CACNA1D: variants seen among roughly 807,000 people sequenced by gnomAD.
CACNA1D encodes calcium voltage-gated channel subunit alpha1 D, also known as voltage-dependent L-type calcium channel subunit alpha-1D.
Under a neutral mutation model 257.1 loss-of-function variants are expected in CACNA1D, and 55 were observed. That is an observed-to-expected ratio of 0.21 (90% CI 0.17 to 0.27). The LOEUF (loss-of-function observed/expected upper bound fraction) is 0.27. Among genes scored for constraint, CACNA1D ranks in the 10% least tolerant of loss-of-function variants. The pLI, the probability that CACNA1D is intolerant of heterozygous loss-of-function variation, is 1.00. For missense variants in CACNA1D, 1,876 were observed against 2,784.0 expected (o/e 0.67, Z 7.34); for synonymous variants, 980 against 1,014.9 (o/e 0.97, Z 0.65).
chr3:53,716,928 A>C (rs1489233699), intron 9 of CACNA1D, among the ~76,000 whole-genome samples: 3 of 152,142 alleles, frequency 2.0e-5, no homozygotes, highest in Admixed American at 2.0e-4. Context: ...GAAGTCTGCT[A>C]TGAGCAAGGC....
intron 3 of CACNA1D, among the ~76,000 whole-genome samples, chr3:53,571,092 G>A (rs1393316765): frequency 2.0e-5 from 3 of 152,176 alleles, no homozygotes; most frequent in East Asian, 3.9e-4. Context: ...TGGGTGCTTC[G>A]TGGGCTTTGG....
chr3:53,678,704 G>C (rs1472491398), intron 8 of CACNA1D, among the ~76,000 whole-genome samples: 1 of 152,130 alleles, frequency 6.6e-6, no homozygotes, highest in Admixed American at 6.5e-5. Context: ...AAGATTCATG[G>C]GATGGAGAAT....
At chr3:53,595,175 T>C (rs1173330288) in intron 3 of CACNA1D, among the ~76,000 whole-genome samples, 2 of 152,220 alleles carry the variant, frequency 1.3e-5, no homozygotes, top group Non-Finnish European at 2.9e-5. Flanking sequence ...GTAAGGAGTA[T>C]AATCTTTGTA....
At chr3:53,781,047 C>T (rs2095422928) in intron 38 of CACNA1D, among the ~76,000 whole-genome samples, 1 of 152,216 alleles carries the variant, frequency 6.6e-6, no homozygotes, top group Non-Finnish European at 1.5e-5. Context: ...CTCCAGAAGG[C>T]AGAATGGTCC....
At chr3:53,633,520 C>A (rs938662448) in intron 3 of CACNA1D, among the ~76,000 whole-genome samples, 11 of 152,048 alleles carry the variant, frequency 7.2e-5, no homozygotes, top group African/African-American at 2.7e-4. Context: ...TAGCTTAGAC[C>A]GAGTGGGGAT....
At chr3:53,799,807 C>A (rs1274802088) in intron 40 of CACNA1D, 1 of 258,608 alleles carries the variant, frequency 3.9e-6, no homozygotes, top group Non-Finnish European at 7.6e-6. Context: ...GCTTCCTCAT[C>A]CTAGATGCAG....
intron 9 of CACNA1D, among the ~76,000 whole-genome samples, chr3:53,713,230 A>C (rs1038429655): frequency 1.3e-5 from 2 of 152,180 alleles, no homozygotes; most frequent in African/African-American, 4.8e-5. Context: ...CTGCAGTTAT[A>C]GCAGGTCAGA....
chr3:53,545,135 T>A (rs2092384425), intron 3 of CACNA1D, among the ~76,000 whole-genome samples: 1 of 152,260 alleles, frequency 6.6e-6, no homozygotes, highest in Admixed American at 6.5e-5. Context: ...CTAGGTTTTC[T>A]TAACAGTGAG....
At chr3:53,650,283 A>T (rs919829297) in intron 3 of CACNA1D, among the ~76,000 whole-genome samples, 1 of 152,228 alleles carries the variant, frequency 6.6e-6, no homozygotes, top group Admixed American at 6.5e-5. Context: ...GCTGACTGTG[A>T]CTTCGAACTC....
chr3:53,720,393 G>T (rs895011545), intron 11 of CACNA1D, among the ~76,000 whole-genome samples: 2 of 152,160 alleles, frequency 1.3e-5, no homozygotes, highest in African/African-American at 4.8e-5. Flanking sequence ...TATACTTTCT[G>T]TAACAGAAAA....
In CACNA1D at chr3:53,723,792, G is replaced by A; in HGVS notation, c.1893G>A (p.Arg631=). 1.2e-6 allele frequency: 2 copies of A among 1,612,880 alleles called. No individual in the cohort carries two copies. Among genetic ancestry groups the A allele is most frequent in the Non-Finnish European group, 1.7e-6 (2 of 1,178,896 alleles). Residue 631 remains arginine (R), a splice_region_variant and synonymous_variant, in exon 14 of 48, where the codon AGG becomes AGA. Coordinates refer to ENST00000350061, the MANE Select transcript of CACNA1D (RefSeq NM_001128840.3). This position sits in a 1 kb window ranked among gnomAD's most constrained non-coding sequence, Gnocchi z 5.6. ...VRLLRIFKVT[R]HWTSLSNLVA... Reference sequence around the variant, plus strand: ...CTGACACCCTCATCTTGACTTATAGGCACTGGACTTCCCTGAGCAACTTAG... The same window carrying A: ...CTGACACCCTCATCTTGACTTATAGACACTGGACTTCCCTGAGCAACTTAG...
chr3:53,593,657 G>T (rs779780174), intron 3 of CACNA1D, among the ~76,000 whole-genome samples: 7 of 152,134 alleles, frequency 4.6e-5, no homozygotes, highest in African/African-American at 7.2e-5. Context: ...GTGCAGGAGA[G>T]GTGAAAGGAA....
At chr3:53,777,535 T>G (rs1000312345) in intron 37 of CACNA1D, among the ~76,000 whole-genome samples, 1 of 151,990 alleles carries the variant, frequency 6.6e-6, no homozygotes, top group Non-Finnish European at 1.5e-5. Flanking sequence ...CGCTTGGAGA[T>G]CCACTTAGGA....
At chr3:53,807,219 T>TCCCAGCC (rs2095571061) in intron 45 of CACNA1D, among the ~76,000 whole-genome samples, 1 of 152,084 alleles carries the variant, frequency 6.6e-6, no homozygotes, top group South Asian at 2.1e-4. Flanking sequence ...TGCTCTCCTT[T>TCCCAGCC]CCCAGCCCCC....
chr3:53,591,275 C>T (rs1297233037), intron 3 of CACNA1D, among the ~76,000 whole-genome samples: 1 of 152,102 alleles, frequency 6.6e-6, no homozygotes, highest in East Asian at 1.9e-4. Context: ...AGTTTTGAGA[C>T]AGAGTCTCAC....
intron 3 of CACNA1D, among the ~76,000 whole-genome samples, chr3:53,565,539 A>G (rs575209949): frequency 2.6e-5 from 4 of 152,242 alleles, no homozygotes; most frequent in African/African-American, 9.6e-5. Context: ...TGTTAAATGG[A>G]GAGGAGGGAG....
At chr3:53,635,607 TCAG>T (rs139642434) in intron 3 of CACNA1D, among the ~76,000 whole-genome samples, 57 of 152,288 alleles carry the variant, frequency 3.7e-4, no homozygotes, top group Admixed American at 2.3e-3. Context: ...TATCTGGGTT[TCAG>T]CCTCTCCAGC....
Position 53,753,552 on chromosome 3 carries a change from C to T in CACNA1D, c.3676-20C>T. 2.0e-6 allele frequency: 3 copies of T among 1,476,230 alleles called. No homozygotes were observed. The highest frequency in any genetic ancestry group is 4.5e-5 in the East Asian group (2 of 44,254). The allele number at this position is 1,476,230 out of a possible 1,614,324, so 91.4% of individuals were successfully genotyped here. A position where few individuals can be genotyped will look rare whatever the true frequency, so the allele number is the denominator to read the frequency against. The stretch of plus-strand genomic sequence containing the variant: ...TCGTGGCTGAGGCTCTGAGAACGGT[C>T]CCTCTGTCTTCATCCATAGCACTAC... On this transcript the variant is annotated intron_variant, in intron 28 of 47. Transcript: ENST00000350061.
In CACNA1D at chr3:53,751,459, T is replaced by TA. The variant is rs2095225374; in HGVS notation, c.3517-286dup. ...ACTGCAGGGCCTCAGGAAAGACAGCTAAAAGCTCTGAGCCTCAGTTTTTAG... is the reference window on the plus strand; with the variant it reads ...ACTGCAGGGCCTCAGGAAAGACAGCTAAAAAGCTCTGAGCCTCAGTTTTTAG... On this transcript the variant is annotated intron_variant, in intron 27 of 47. Coordinates refer to ENST00000350061, the MANE Select transcript of CACNA1D (RefSeq NM_001128840.3). The surrounding 1 kb of genome is among the most constrained non-coding windows in gnomAD (Gnocchi z 4.3). Among the ~76,000 whole-genome samples, 1 of 152,184 alleles carries TA rather than the reference T, an allele frequency of 6.6e-6. No individual in the cohort carries two copies. Among genetic ancestry groups the TA allele is most frequent in the South Asian group, 2.1e-4 (1 of 4,822 alleles).
Sources: allele counts gnomAD v4.1 joint callset (sites outside exome capture counted in the v4.1 genomes callset), GRCh38; gene constraint gnomAD v4.1.1; non-coding constraint Gnocchi (gnomAD v3.1); transcripts MANE v1.5; gene names NCBI Gene and HGNC (gene_info 2026-07-23, HGNC 2026-07-21).